PLEKHA8: variants seen among roughly 807,000 people sequenced by gnomAD.
PLEKHA8 encodes pleckstrin homology domain-containing family A member 8.
PLEKHA8 carries 36 observed loss-of-function variants against 68.2 expected under a neutral mutation model. That is an observed-to-expected ratio of 0.53 (90% CI 0.40 to 0.70). PLEKHA8 has a LOEUF of 0.70. PLEKHA8 is among the 30% of genes least tolerant of loss of function. The probability of loss-of-function intolerance (pLI) is 0.00; values close to 1 mark genes in which losing one functional copy is unlikely to be tolerated. For synonymous variants in PLEKHA8, 211 were observed against 216.1 expected (o/e 0.98, Z 0.20); for missense variants, 505 against 615.4 (o/e 0.82, Z 1.90).
At chr7:30,052,676 T>C (rs758408597) in intron 6 of PLEKHA8, 33 bp from the exon 7 acceptor site, 1 of 1,496,098 alleles carries the variant, frequency 6.7e-7, no homozygotes, top group Non-Finnish European at 8.9e-7. Context: ...AATAACGACC[T>C]TCTGGCTTTT....
intron 9 of PLEKHA8, among the ~76,000 whole-genome samples, chr7:30,058,814 G>C (rs986397936): frequency 6.6e-6 from 1 of 152,138 alleles, no homozygotes; most frequent in Non-Finnish European, 1.5e-5. Context: ...AAACCAATTA[G>C]GGGAAAGCTG....
chr7:30,041,919 A>G (rs1297249184), intron 1 of PLEKHA8, among the ~76,000 whole-genome samples: 1 of 151,966 alleles, frequency 6.6e-6, no homozygotes, highest in Non-Finnish European at 1.5e-5. Flanking sequence ...TTCTTGTGTC[A>G]TGTAAAATAA....
At chr7:30,049,886 G>A (rs966319837) in intron 5 of PLEKHA8, among the ~76,000 whole-genome samples, 1 of 152,146 alleles carries the variant, frequency 6.6e-6, no homozygotes, top group African/African-American at 2.4e-5. Context: ...GTTTTCCAGT[G>A]CCAGGAATGC....
chr7:30,108,083 A>AAAAAAACAAAAAAC (rs1796136727), intron 13 of PLEKHA8, among the ~76,000 whole-genome samples: 1 of 144,460 alleles, frequency 6.9e-6, no homozygotes, highest in Non-Finnish European at 1.5e-5. Flanking sequence ...AAAAAAAAAA[A>AAAAAAACAAAAAAC]AAAAAAAAAC....
intron 13 of PLEKHA8, 144 bp downstream of exon 13, chr7:30,074,276 G>A (rs2127996443): frequency 3.8e-4 from 181 of 473,386 alleles, no homozygotes; most frequent in South Asian, 1.1e-3. Context: ...GTGTGTGTAT[G>A]TGTGGTGTTT....
downstream of PLEKHA8, among the ~76,000 whole-genome samples, chr7:30,086,209 G>C (rs1183103333): frequency 6.6e-6 from 1 of 152,228 alleles, no homozygotes; most frequent in African/African-American, 2.4e-5. Flanking sequence ...AAGAAAGGAA[G>C]TGCCTTTCAG....
In PLEKHA8 at chr7:30,084,345, CT is replaced by C; in HGVS notation, c.*5559del. 1.0e-6 allele frequency: 1 copy of C among 985,340 alleles called. No homozygotes were observed. The allele number at this position is 985,340 out of a possible 1,614,324, so 61.0% of individuals were successfully genotyped here. ...GTGTTAATGTTACCTGTTCTTGTCT[CT>C]CAGCATTTTGAATGAGCATCATAAT... On this transcript the variant is annotated 3_prime_UTR_variant, in exon 14 of 14. Transcript: ENST00000449726.
chr7:30,099,832 T>C (rs1248530102), intron 13 of PLEKHA8, among the ~76,000 whole-genome samples: 1 of 152,200 alleles, frequency 6.6e-6, no homozygotes, highest in Non-Finnish European at 1.5e-5. Context: ...ATGAACAGCT[T>C]GTATAACAAA....
At chr7:30,107,374 TAAAG>T (rs1165273479) in intron 13 of PLEKHA8, among the ~76,000 whole-genome samples, 4 of 152,126 alleles carry the variant, frequency 2.6e-5, no homozygotes, top group Non-Finnish European at 5.9e-5. Flanking sequence ...TTGCTGCCAT[TAAAG>T]AATGTATCTT....
At chr7:30,068,545 C>T (rs1794023588) in intron 12 of PLEKHA8, among the ~76,000 whole-genome samples, 1 of 152,090 alleles carries the variant, frequency 6.6e-6, no homozygotes, top group Non-Finnish European at 1.5e-5. Context: ...ATGTATTTGA[C>T]CACCTTTCTC....
At chr7:30,077,375 T>TA (rs1163520663) in intron 13 of PLEKHA8, among the ~76,000 whole-genome samples, 1 of 152,154 alleles carries the variant, frequency 6.6e-6, no homozygotes, top group Non-Finnish European at 1.5e-5. Flanking sequence ...TTTCTTTTGT[T>TA]ATGTTTTTGG....
chr7:30,120,537 T>G (rs1422760010), intron 13 of PLEKHA8, among the ~76,000 whole-genome samples: 1 of 152,262 alleles, frequency 6.6e-6, no homozygotes, highest in Non-Finnish European at 1.5e-5. Flanking sequence ...TCTGTTTACA[T>G]ATCCAATTAG....
chr7:30,098,132 A>G (rs1410606444), intron 13 of PLEKHA8, among the ~76,000 whole-genome samples: 2 of 152,248 alleles, frequency 1.3e-5, no homozygotes, highest in Non-Finnish European at 2.9e-5. Flanking sequence ...CGGTGGCTGC[A>G]GAACTGCAGA....
At chr7:30,110,277 G>A (rs1400216347) in intron 13 of PLEKHA8, among the ~76,000 whole-genome samples, 2 of 152,106 alleles carry the variant, frequency 1.3e-5, no homozygotes, top group African/African-American at 2.4e-5. Flanking sequence ...CAATGTGTGT[G>A]GTGTTTTATG....
intron 1 of PLEKHA8, among the ~76,000 whole-genome samples, chr7:30,040,388 G>A (rs1177703240): frequency 6.6e-6 from 1 of 152,148 alleles, no homozygotes; most frequent in East Asian, 1.9e-4. Context: ...ACTGCTGCAG[G>A]CAGCTGCAGG....
intron 4 of PLEKHA8, 76 bp downstream of exon 4, chr7:30,048,032 G>A: frequency 3.5e-6 from 3 of 845,576 alleles, no homozygotes; most frequent in Non-Finnish European, 4.6e-6. Context: ...ATCCAATTCT[G>A]AGGTAAAATA....
chr7:30,060,387 G>A (rs907594049), intron 9 of PLEKHA8, among the ~76,000 whole-genome samples: 3 of 152,090 alleles, frequency 2.0e-5, no homozygotes, highest in Admixed American at 2.0e-4. Flanking sequence ...GCAGTGAGCC[G>A]AGATCATGCT....
chr7:30,114,980 G>T (rs767900507), intron 13 of PLEKHA8, among the ~76,000 whole-genome samples: 1 of 152,016 alleles, frequency 6.6e-6, no homozygotes, highest in Non-Finnish European at 1.5e-5. Context: ...CCAGTGCATC[G>T]ATGGTTCTCC....
chr7:30,030,520 A>T (rs1479213651), intron 1 of PLEKHA8, among the ~76,000 whole-genome samples: 1 of 152,164 alleles, frequency 6.6e-6, no homozygotes, highest in Non-Finnish European at 1.5e-5. Flanking sequence ...TTCTTCCCAA[A>T]GTAAGAGAAG....
Sources: gnomAD v4.1 joint callset for allele counts (sites outside exome capture counted in the v4.1 genomes callset) on GRCh38, gnomAD v4.1.1 for gene constraint, MANE v1.5 for transcripts, NCBI Gene and HGNC (gene_info 2026-07-23, HGNC 2026-07-21) for gene names.